The following ASIC2 variants were observed in gnomAD, a reference collection of about 807,000 sequenced individuals.
ASIC2 encodes acid sensing ion channel subunit 2.
In ASIC2, 25 loss-of-function variants were observed where a neutral mutation model predicts 57.3. The ratio of observed to expected loss-of-function variants is 0.44; its 90% CI spans 0.32 to 0.61. ASIC2 has a LOEUF of 0.61. ASIC2 is among the 20% of genes least tolerant of loss of function. The pLI, the probability that ASIC2 is intolerant of heterozygous loss-of-function variation, is 0.06. For missense variants in ASIC2, 641 were observed against 738.1 expected (o/e 0.87, Z 1.52); for synonymous variants, 319 against 307.5 (o/e 1.04, Z -0.39).
At chr17:33,180,529 C>T (rs1833915278) in intron 1 of ASIC2, among the ~76,000 whole-genome samples, 1 of 152,158 alleles carries the variant, frequency 6.6e-6, no homozygotes. Flanking sequence ...AATAGCTTCA[C>T]TGAACTCCCT....
intron 1 of ASIC2, among the ~76,000 whole-genome samples, chr17:33,692,819 G>A (rs967487878): frequency 4.6e-5 from 7 of 152,136 alleles, no homozygotes; most frequent in African/African-American, 7.2e-5. Context: ...GACACCACTA[G>A]GCAATAGAAA....
chr17:33,201,376 G>A (rs1320917580), intron 1 of ASIC2, among the ~76,000 whole-genome samples: 1 of 152,140 alleles, frequency 6.6e-6, no homozygotes, highest in Non-Finnish European at 1.5e-5. Flanking sequence ...GGGGAGGTGG[G>A]ACTCAACTCT....
At chr17:33,062,109 C>A (rs762238383) in intron 3 of ASIC2, among the ~76,000 whole-genome samples, 1 of 152,132 alleles carries the variant, frequency 6.6e-6, no homozygotes, top group African/African-American at 2.4e-5. Context: ...TTTCAAAAAA[C>A]CAGCTCCTGG....
chr17:33,065,417 T>C (rs7503296), intron 3 of ASIC2, among the ~76,000 whole-genome samples: 109,304 of 151,700 alleles, frequency 0.72, 39,555 homozygotes, highest in East Asian at 0.87. Context: ...TCAAGCAGTT[T>C]TCCCACCTCA....
intron 1 of ASIC2, among the ~76,000 whole-genome samples, chr17:33,339,897 A>G (rs940071209): frequency 2.0e-5 from 3 of 152,126 alleles, no homozygotes; most frequent in Admixed American, 6.5e-5. Flanking sequence ...AGCAAAATCC[A>G]TCACCCGACC....
intron 1 of ASIC2, among the ~76,000 whole-genome samples, chr17:33,598,511 A>T (rs1905041032): frequency 1.3e-5 from 2 of 152,070 alleles, no homozygotes; most frequent in African/African-American, 4.8e-5. Flanking sequence ...TTTCTTCAGG[A>T]TGTGTTTCCT....
At chr17:33,892,866 G>A (rs1393574772) in intron 1 of ASIC2, among the ~76,000 whole-genome samples, 1 of 152,150 alleles carries the variant, frequency 6.6e-6, no homozygotes, top group Admixed American at 6.5e-5. Context: ...TAGATTAGCA[G>A]CAGCGAACCA....
At chr17:33,289,810 T>A (rs1015095470) in intron 1 of ASIC2, among the ~76,000 whole-genome samples, 2 of 152,212 alleles carry the variant, frequency 1.3e-5, no homozygotes, top group Non-Finnish European at 2.9e-5. Context: ...TGATGGGCCA[T>A]GCTGTAAAAC....
At chr17:33,207,441 C>G (rs761400826) in intron 1 of ASIC2, among the ~76,000 whole-genome samples, 4 of 152,170 alleles carry the variant, frequency 2.6e-5, no homozygotes, top group Admixed American at 6.5e-5. Context: ...ATCAAATCTT[C>G]AAAACATCCC....
intron 1 of ASIC2, among the ~76,000 whole-genome samples, chr17:33,197,840 G>T (rs1452477188): frequency 6.6e-6 from 1 of 152,092 alleles, no homozygotes; most frequent in Non-Finnish European, 1.5e-5. Flanking sequence ...TCATTATAAA[G>T]GTCTATTTTT....
intron 3 of ASIC2, among the ~76,000 whole-genome samples, chr17:33,059,876 G>A (rs144189619): frequency 0.18 from 27,599 of 152,068 alleles, 3,434 homozygotes; most frequent in East Asian, 0.48. Flanking sequence ...ATGATATCTC[G>A]TTGTGGTTTT....
intron 3 of ASIC2, among the ~76,000 whole-genome samples, chr17:33,054,343 C>A (rs916010815): frequency 6.6e-6 from 1 of 152,200 alleles, no homozygotes; most frequent in Non-Finnish European, 1.5e-5. Context: ...GCTGCCAAAC[C>A]AGTTACCAAG....
intron 1 of ASIC2, among the ~76,000 whole-genome samples, chr17:34,148,294 T>C (rs1336295941): frequency 6.6e-6 from 1 of 152,212 alleles, no homozygotes; most frequent in Non-Finnish European, 1.5e-5. Flanking sequence ...CTCTCAGTCA[T>C]TGTCTTACCC....
rs545160887 is a variant in ASIC2, at chr17:33,098,403, C to T, written c.860-9413G>A. 8.5e-5 allele frequency among the ~76,000 whole-genome samples: 13 copies of T among 152,166 alleles called. No homozygotes were observed. The South Asian group carries it at 2.7e-3, about 32-fold the overall frequency. ...GGCAGCATCTCTAGCTAAGGAGATCCGAAATCAGCACAAAGATGGGCAAGC... is the reference window on the plus strand; with the variant it reads ...GGCAGCATCTCTAGCTAAGGAGATCTGAAATCAGCACAAAGATGGGCAAGC... On this transcript the variant is annotated intron_variant, in intron 2 of 9. Coordinates refer to ENST00000225823, the MANE Select transcript of ASIC2 (RefSeq NM_183377.2).
intron 1 of ASIC2, among the ~76,000 whole-genome samples, chr17:33,755,533 T>G (rs2142108189): frequency 6.6e-6 from 1 of 152,312 alleles, no homozygotes; most frequent in Non-Finnish European, 1.5e-5. Flanking sequence ...AACCTGCTCT[T>G]AGAGATGAAT....
At chr17:34,058,361 A>G (rs1292761659) in intron 1 of ASIC2, among the ~76,000 whole-genome samples, 1 of 152,132 alleles carries the variant, frequency 6.6e-6, no homozygotes, top group Non-Finnish European at 1.5e-5. Flanking sequence ...GTAGATTATA[A>G]CCACCTTATA....
chr17:33,705,751 T>A (rs1908843490), intron 1 of ASIC2, among the ~76,000 whole-genome samples: 1 of 152,176 alleles, frequency 6.6e-6, no homozygotes, highest in Non-Finnish European at 1.5e-5. Flanking sequence ...TGAAATCTAT[T>A]TCTGACTGAC....
chr17:33,742,573 A>T (rs750183155), intron 1 of ASIC2, among the ~76,000 whole-genome samples: 1 of 152,224 alleles, frequency 6.6e-6, no homozygotes, highest in African/African-American at 2.4e-5. Context: ...TAAAGATCTG[A>T]TGGGCAGGTA....
chr17:34,032,956 A>G (rs1251657597), intron 1 of ASIC2, among the ~76,000 whole-genome samples: 5 of 152,252 alleles, frequency 3.3e-5, no homozygotes, highest in East Asian at 1.9e-4. Flanking sequence ...ACAGATAAAC[A>G]AGACAGAAAG....
Sources: gnomAD v4.1 joint callset for allele counts (sites outside exome capture counted in the v4.1 genomes callset) on GRCh38, gnomAD v4.1.1 for gene constraint, MANE v1.5 for transcripts, NCBI Gene and HGNC (gene_info 2026-07-23, HGNC 2026-07-21) for gene names.